The following EPHA3 variants were observed in gnomAD, a reference collection of about 807,000 sequenced individuals.
EPHA3 encodes EPH receptor A3, also known as ephrin type-A receptor 3.
Under a neutral mutation model 107.1 loss-of-function variants are expected in EPHA3, and 42 were observed. That is an observed-to-expected ratio of 0.39 (90% confidence interval 0.31 to 0.51). The LOEUF is 0.51. EPHA3 is among the 20% of genes least tolerant of loss of function. The probability of loss-of-function intolerance (pLI) is 0.78; values close to 1 mark genes in which losing one functional copy is unlikely to be tolerated. For synonymous variants in EPHA3, 461 were observed against 424.8 expected (o/e 1.09, Z -1.05); for missense variants, 1,183 against 1,211.2 (o/e 0.98, Z 0.35).
At chr3:89,176,900 G>T (rs567606448) in intron 2 of EPHA3, among the ~76,000 whole-genome samples, 1 of 151,990 alleles carries the variant, frequency 6.6e-6, no homozygotes, top group African/African-American at 2.4e-5. Flanking sequence ...AATACATGCA[G>T]ATATTTTTCT....
intron 5 of EPHA3, among the ~76,000 whole-genome samples, chr3:89,372,989 C>T (rs11924135): frequency 0.013 from 1,924 of 151,814 alleles, 49 homozygotes; most frequent in African/African-American, 0.043. Context: ...ATATGTGACC[C>T]TTCCAAATAT....
Position 89,386,288 on chromosome 3 carries a change from G to T in EPHA3, c.1307-9549G>T, listed in dbSNP as rs551039568. ...AGATATCTTTTTGACAGGCCAGGAGGTCAAGGAGGGAAAAATGGTTTTGAG... is the reference window on the plus strand; with the variant it reads ...AGATATCTTTTTGACAGGCCAGGAGTTCAAGGAGGGAAAAATGGTTTTGAG... On this transcript the variant is annotated intron_variant, in intron 5 of 16. Coordinates refer to ENST00000336596, the MANE Select transcript of EPHA3 (RefSeq NM_005233.6). Among the ~76,000 whole-genome samples the T allele has an allele frequency of 2.0e-5, 3 of 152,290 alleles. No homozygotes were observed. The South Asian group carries it at 6.2e-4, about 32-fold the overall frequency.
In EPHA3 at chr3:89,439,551, G is replaced by A. The variant is rs182035310; in HGVS notation, c.2346+8192G>A. ...GCTACGTTTCTACTAATTTACCATC[G>A]CTTCTTCAAAAAATTGTGTTCAGAG... On this transcript the variant is annotated intron_variant, in intron 13 of 16. Transcript: ENST00000336596. Among the ~76,000 whole-genome samples the A allele has an allele frequency of 3.9e-5, 6 of 151,958 alleles. 1 individual carries two copies. Among genetic ancestry groups the A allele is most frequent in the East Asian group, 3.9e-4 (2 of 5,164 alleles).
At position 89,478,765 on chromosome 3, in the gene EPHA3, C is replaced by T. The variant is rs143444836; in HGVS notation, c.2847-632C>T. ...CCAGATTCAAGGGAAAGAGATAAAA[C>T]CCCACAAAGAATGTGTGATCATTGA... On this transcript the variant is annotated intron_variant, in intron 16 of 16. Transcript: ENST00000336596. Among the ~76,000 whole-genome samples, 504 of 152,232 alleles carry T rather than the reference C, an allele frequency of 3.3e-3. 1 individual carries two copies. The highest frequency in any genetic ancestry group is 7.1e-3 in the South Asian group (34 of 4,808).
chr3:89,281,244 C>T (rs1160890539), intron 3 of EPHA3, among the ~76,000 whole-genome samples: 3 of 152,102 alleles, frequency 2.0e-5, no homozygotes, highest in South Asian at 2.1e-4. Flanking sequence ...AGGCTGGTCT[C>T]GAACTCCTGA....
intron 7 of EPHA3, among the ~76,000 whole-genome samples, chr3:89,401,698 C>T (rs1708967336): frequency 6.6e-6 from 1 of 152,138 alleles, no homozygotes; most frequent in Non-Finnish European, 1.5e-5. Context: ...ACCTCTGCCT[C>T]CCTGACTCAA....
intron 3 of EPHA3, among the ~76,000 whole-genome samples, chr3:89,285,858 A>G (rs1706069006): frequency 1.3e-5 from 2 of 152,134 alleles, no homozygotes; most frequent in Admixed American, 1.3e-4. Context: ...AGGAGTTTAT[A>G]TAGCAGGAAA....
intron 3 of EPHA3, among the ~76,000 whole-genome samples, chr3:89,290,117 G>A (rs1230396970): frequency 6.6e-6 from 1 of 152,038 alleles, no homozygotes; most frequent in Non-Finnish European, 1.5e-5. Flanking sequence ...TTCTGTTGTG[G>A]TTCTAAGAGT....
chr3:89,255,290 A>G (rs1453645197), intron 3 of EPHA3, among the ~76,000 whole-genome samples: 1 of 152,086 alleles, frequency 6.6e-6, no homozygotes, highest in African/African-American at 2.4e-5. Flanking sequence ...TGGGATTCTG[A>G]TATTCTTGCT....
intron 2 of EPHA3, among the ~76,000 whole-genome samples, chr3:89,142,302 C>T (rs966187223): frequency 5.3e-5 from 8 of 151,302 alleles, no homozygotes; most frequent in African/African-American, 1.7e-4. Context: ...TTAATAGAAA[C>T]TTTGGTCTAT....
chr3:89,369,073 C>T (rs1045444539), intron 5 of EPHA3, among the ~76,000 whole-genome samples: 4 of 150,206 alleles, frequency 2.7e-5, no homozygotes, highest in African/African-American at 9.7e-5. Flanking sequence ...TGAAGCGTGT[C>T]ATGGAAGGGA....
chr3:89,212,258 A>G (rs528806027), intron 3 of EPHA3, among the ~76,000 whole-genome samples: 3 of 152,162 alleles, frequency 2.0e-5, no homozygotes, highest in African/African-American at 7.2e-5. Context: ...TACCATGTAT[A>G]TAACTTAAAA....
At position 89,481,332 on chromosome 3, in the gene EPHA3, T is replaced by G. The variant is rs1710617914; in HGVS notation, c.*1830T>G. The G allele has an allele frequency of 4.3e-6, 1 of 232,094 alleles. No homozygotes were observed. Among genetic ancestry groups the G allele is most frequent in the African/African-American group, 2.2e-5 (1 of 45,308 alleles). The allele number at this position is 232,094 out of a possible 1,614,324, so 14.4% of individuals were successfully genotyped here. Reference sequence around the variant, plus strand: ...AAATCAGGCTACTAGAATTCTGTATTGGATATATAAGAGCATGAAATTTTT... The same window carrying G: ...AAATCAGGCTACTAGAATTCTGTATGGGATATATAAGAGCATGAAATTTTT... On this transcript the variant is annotated 3_prime_UTR_variant, in exon 17 of 17. Coordinates refer to ENST00000336596, the MANE Select transcript of EPHA3 (RefSeq NM_005233.6).
At chr3:89,265,123 TG>T (rs1358891567) in intron 3 of EPHA3, among the ~76,000 whole-genome samples, 1 of 152,144 alleles carries the variant, frequency 6.6e-6, no homozygotes, top group Non-Finnish European at 1.5e-5. Flanking sequence ...CTCCCATAGG[TG>T]TTTTGGCCTA....
chr3:89,374,279 A>T (rs1449857530), intron 5 of EPHA3, among the ~76,000 whole-genome samples: 1 of 151,910 alleles, frequency 6.6e-6, no homozygotes, highest in Non-Finnish European at 1.5e-5. Flanking sequence ...TGCCATGTAG[A>T]TTTTTGCAGA....
chr3:89,451,143 C>G (rs919531804), intron 15 of EPHA3, among the ~76,000 whole-genome samples: 2 of 152,122 alleles, frequency 1.3e-5, no homozygotes, highest in African/African-American at 4.8e-5. Context: ...GCCAGTGTCC[C>G]TGGACAACAA....
intron 2 of EPHA3, among the ~76,000 whole-genome samples, chr3:89,139,659 C>T (rs1337001861): frequency 6.6e-6 from 1 of 151,610 alleles, no homozygotes; most frequent in Non-Finnish European, 1.5e-5. Context: ...GTGGCAGAAG[C>T]GGCAGCGACT....
At chr3:89,351,437 C>CGCTTCCCA (rs1559659579) in intron 5 of EPHA3, among the ~76,000 whole-genome samples, 3 of 150,648 alleles carry the variant, frequency 2.0e-5, no homozygotes, top group African/African-American at 7.3e-5. Flanking sequence ...TGACCCCTTG[C>CGCTTCCCA]GCTTCCCAGG....
rs746962589 is a variant in EPHA3, at chr3:89,210,106, A to G, written c.400A>G (p.Lys134Glu). The part of the protein sequence containing the change: ...YMESDDDHGV[K>E]FREHQFTKID... ...GGAGTCTGATGATGATCATGGGGTGAAATTTCGAGAGCATCAGTTTACAAA... is the reference window on the plus strand; with the variant it reads ...GGAGTCTGATGATGATCATGGGGTGGAATTTCGAGAGCATCAGTTTACAAA... The change falls in exon 3 of 17, where the codon AAA becomes GAA. Residue 134 changes from lysine to glutamate, a missense_variant. Transcript: ENST00000336596. 3.7e-6 allele frequency: 6 copies of G among 1,614,040 alleles called. No homozygotes were observed. Among genetic ancestry groups the G allele is most frequent in the Non-Finnish European group, 5.1e-6 (6 of 1,179,934 alleles).
Sources: gnomAD v4.1 joint callset for allele counts (sites outside exome capture counted in the v4.1 genomes callset) on GRCh38, gnomAD v4.1.1 for gene constraint, MANE v1.5 for transcripts, NCBI Gene and HGNC (gene_info 2026-07-23, HGNC 2026-07-21) for gene names.